MAD1L1: variants seen among roughly 807,000 people sequenced by gnomAD.
MAD1L1 encodes the protein mitotic spindle assembly checkpoint protein MAD1.
Under a neutral mutation model 96.9 loss-of-function variants are expected in MAD1L1, and 95 were observed. The observed-to-expected ratio is 0.98, with a 90% confidence interval of 0.83 to 1.16. The LOEUF (loss-of-function observed/expected upper bound fraction) is 1.16, where lower values mean the gene tolerates loss of function less well. Among genes scored for constraint, MAD1L1 ranks in the 50% most tolerant of loss-of-function variants. MAD1L1 has a pLI of 0.00. For missense variants in MAD1L1, 1,007 were observed against 954.4 expected, an observed-to-expected ratio of 1.06 and a Z score of -0.73; for synonymous variants, 473 against 396.6, an observed-to-expected ratio of 1.19 and a Z score of -2.29.
At chr7:1,818,857 AGGTGGG>A (rs55798272) in intron 18 of MAD1L1, among the ~76,000 whole-genome samples, 5 of 138,484 alleles carry the variant, frequency 3.6e-5, no homozygotes, top group Admixed American at 1.4e-4. Context: ...GCTGCCCTCC[AGGTGGG>A]GGTGGGGGTG....
intron 11 of MAD1L1, among the ~76,000 whole-genome samples, chr7:2,071,505 C>CT (rs1244468348): frequency 3.3e-5 from 5 of 152,254 alleles, no homozygotes; most frequent in Non-Finnish European, 7.3e-5. Flanking sequence ...GCTTTCCCGA[C>CT]TGAGGCCTTC....
chr7:2,027,370 T>TAA (rs1562619288), intron 12 of MAD1L1, among the ~76,000 whole-genome samples: 1 of 152,100 alleles, frequency 6.6e-6, no homozygotes, highest in South Asian at 2.1e-4. Context: ...AGAAAAGCCA[T>TAA]AACATCACAA....
chr7:2,046,401 C>T (rs775144234), intron 12 of MAD1L1, among the ~76,000 whole-genome samples: 46 of 152,186 alleles, frequency 3.0e-4, no homozygotes, highest in Non-Finnish European at 6.2e-4. Flanking sequence ...CCAGGCCCGG[C>T]GCCCGTGCCC....
chr7:2,028,914 C>T (rs1162682945), intron 12 of MAD1L1, among the ~76,000 whole-genome samples: 6 of 152,010 alleles, frequency 3.9e-5, no homozygotes, highest in South Asian at 4.2e-4. Flanking sequence ...AACAAGGCTG[C>T]GCAGGGCAAC....
intron 18 of MAD1L1, among the ~76,000 whole-genome samples, chr7:1,830,817 A>T (rs1231823465): frequency 1.3e-5 from 2 of 152,266 alleles, no homozygotes; most frequent in Non-Finnish European, 2.9e-5. Flanking sequence ...CAAGAAAGGC[A>T]GAAAAAGAGG....
intron 15 of MAD1L1, among the ~76,000 whole-genome samples, chr7:1,959,167 G>T (rs766090584): frequency 1.3e-5 from 2 of 152,104 alleles, no homozygotes; most frequent in Non-Finnish European, 2.9e-5. Context: ...CATAAGAATC[G>T]CTTGAACCCA....
rs1044747486 is a variant in MAD1L1 at position 1,822,448 on chromosome 7, T to A, written c.1999-6220A>T. On this transcript the variant is annotated intron_variant, in intron 18 of 18. Transcript: ENST00000265854. ...CCTCAGCATATATATATATATTTTT[T>A]TTTTTTTTTTGGAAAGAGGGTCTTA... Among the ~76,000 whole-genome samples, 155 of 104,882 alleles carry A rather than the reference T, an allele frequency of 1.5e-3. 2 individuals carry two copies. Among genetic ancestry groups the A allele is most frequent in the African/African-American group, 3.3e-3 (92 of 27,638 alleles). The allele number at this position is 104,882 out of a possible 152,430, so 68.8% of individuals were successfully genotyped here. A position where few individuals can be genotyped will look rare whatever the true frequency, so the allele number is the denominator to read the frequency against.
intron 10 of MAD1L1, among the ~76,000 whole-genome samples, chr7:2,154,328 GA>G (rs1288720163): frequency 2.0e-5 from 3 of 152,228 alleles, no homozygotes; most frequent in African/African-American, 7.2e-5. Context: ...CTAGTGGATT[GA>G]AAGGTCTGGG....
chr7:2,122,453 G>A (rs767365300), intron 11 of MAD1L1, among the ~76,000 whole-genome samples: 1 of 152,060 alleles, frequency 6.6e-6, no homozygotes, highest in South Asian at 2.1e-4. Context: ...GACAAACCCC[G>A]TTACTACTAA....
At chr7:2,145,713 T>TC (rs1247448146) in intron 11 of MAD1L1, among the ~76,000 whole-genome samples, 2 of 152,104 alleles carry the variant, frequency 1.3e-5, no homozygotes, top group African/African-American at 4.8e-5. Context: ...CATCAGACCC[T>TC]CCCTGGGCGG....
chr7:2,143,226 G>A (rs1280010721), intron 11 of MAD1L1, among the ~76,000 whole-genome samples: 2 of 151,774 alleles, frequency 1.3e-5, no homozygotes, highest in Non-Finnish European at 1.5e-5. Flanking sequence ...ACTCCTGGTA[G>A]AGCCAAATGC....
At chr7:2,083,366 C>T (rs1785749883) in intron 11 of MAD1L1, among the ~76,000 whole-genome samples, 1 of 152,176 alleles carries the variant, frequency 6.6e-6, no homozygotes, top group African/African-American at 2.4e-5. Context: ...AGTTTATTTC[C>T]TCTTGAACTT....
chr7:2,013,168 G>A (rs543783087), intron 13 of MAD1L1, among the ~76,000 whole-genome samples: 23 of 152,350 alleles, frequency 1.5e-4, no homozygotes, highest in Admixed American at 4.6e-4. Context: ...TCAGCAGCCC[G>A]GCTGGAAGGT....
chr7:2,126,326 C>T (rs1275191717), intron 11 of MAD1L1, among the ~76,000 whole-genome samples: 1 of 152,184 alleles, frequency 6.6e-6, no homozygotes, highest in Non-Finnish European at 1.5e-5. Context: ...GTAACAAGGG[C>T]AGCTTCGAAT....
chr7:1,983,734 G>A (rs1247428188), intron 14 of MAD1L1, among the ~76,000 whole-genome samples: 4 of 152,182 alleles, frequency 2.6e-5, no homozygotes, highest in Admixed American at 6.5e-5. Flanking sequence ...TTCTCAGCAC[G>A]CCTGAAAGCT....
At chr7:1,909,125 C>T (rs932937508) in intron 17 of MAD1L1, among the ~76,000 whole-genome samples, 2 of 152,238 alleles carry the variant, frequency 1.3e-5, no homozygotes, top group African/African-American at 4.8e-5. Flanking sequence ...AGCCCGACAC[C>T]GGCGTGGTGT....
At chr7:1,962,108 GT>G (rs1170751679) in intron 15 of MAD1L1, among the ~76,000 whole-genome samples, 4 of 152,282 alleles carry the variant, frequency 2.6e-5, no homozygotes, top group African/African-American at 9.6e-5. Context: ...TCATAGGGCG[GT>G]TTCCCCCATA....
At chr7:1,898,786 G>A (rs1451028950) in intron 17 of MAD1L1, among the ~76,000 whole-genome samples, 1 of 152,160 alleles carries the variant, frequency 6.6e-6, no homozygotes, top group Admixed American at 6.5e-5. Flanking sequence ...CTCGGGGTTC[G>A]CTTGCCCCAA....
intron 18 of MAD1L1, among the ~76,000 whole-genome samples, chr7:1,855,382 C>T (rs537128753): frequency 2.0e-5 from 3 of 152,024 alleles, no homozygotes; most frequent in Admixed American, 2.0e-4. Flanking sequence ...TTAAGTTCCG[C>T]TTCCTTCTGC....
Sources: allele counts gnomAD v4.1 joint callset (sites outside exome capture counted in the v4.1 genomes callset), GRCh38; gene constraint gnomAD v4.1.1; transcripts MANE v1.5; gene names NCBI Gene and HGNC (gene_info 2026-07-23, HGNC 2026-07-21).